RAB5IF: variants seen among roughly 807,000 people sequenced by gnomAD.
The protein encoded by RAB5IF is RAB5 interacting factor, also known as GEL complex subunit OPTI.
RAB5IF carries 15 observed loss-of-function variants against 20.3 expected under a neutral mutation model. The observed-to-expected ratio is 0.74, with a 90% CI of 0.50 to 1.14. The LOEUF (loss-of-function observed/expected upper bound fraction) is 1.14. RAB5IF is among the 50% of genes most tolerant of loss of function. The pLI is 0.00. For synonymous variants in RAB5IF, 67 were observed against 63.7 expected, an observed-to-expected ratio of 1.05 and a Z score of -0.25; for missense variants, 148 against 159.5, an observed-to-expected ratio of 0.93 and a Z score of 0.39.
At position 36,606,024 on chromosome 20, in the gene RAB5IF, T is replaced by C; in HGVS notation, c.73T>C (p.Trp25Arg). Reference protein sequence around the residue: ...LANGALKVSVWSKVLRSDAAW... With the variant: ...LANGALKVSVRSKVLRSDAAW... Reference sequence around the variant, plus strand: ...CAACGGGGCCCTCAAAGTCTCCGTCTGGAGTAAGGTGCTGCGGAGCGACGC... The same window carrying C: ...CAACGGGGCCCTCAAAGTCTCCGTCCGGAGTAAGGTGCTGCGGAGCGACGC... Residue 25 changes from tryptophan to arginine, a missense_variant, in exon 1 of 4, where the codon TGG (tryptophan) becomes CGG (arginine). Coordinates refer to ENST00000344795, the MANE Select transcript of RAB5IF (RefSeq NM_018840.5). 6.5e-7 allele frequency: 1 copy of C among 1,527,340 alleles called. No individual in the cohort carries two copies. Among genetic ancestry groups the C allele is most frequent in the Non-Finnish European group, 8.8e-7 (1 of 1,133,698 alleles). The allele number at this position is 1,527,340 out of a possible 1,614,324, so 94.6% of individuals were successfully genotyped here.
In RAB5IF at chr20:36,609,589, C is replaced by G; in HGVS notation, c.219-12C>G. The G allele has an allele frequency of 3.8e-6, 6 of 1,572,684 alleles. No homozygotes were observed. Among genetic ancestry groups the G allele is most frequent in the Non-Finnish European group, 5.2e-6 (6 of 1,160,740 alleles). On this transcript the variant is annotated splice_polypyrimidine_tract_variant and intron_variant, in intron 2 of 3. Coordinates refer to ENST00000344795, the MANE Select transcript of RAB5IF (RefSeq NM_018840.5). Reference sequence around the variant, plus strand: ...TCAATTTATGTTTGGTACTTGTTCTCTGTTGCTCCAGATTCTGCCTGATCA... The same window carrying G: ...TCAATTTATGTTTGGTACTTGTTCTGTGTTGCTCCAGATTCTGCCTGATCA...
Position 36,607,791 on chromosome 20 carries a change from C to T in RAB5IF, c.191C>T (p.Pro64Leu). Reference protein sequence around the residue: ...VVLGVIWGVLPLRGFLGIAGF... With the variant: ...VVLGVIWGVLLLRGFLGIAGF... ...CTGGGTGTCATTTGGGGAGTTTTGC[C>T]ATTACGAGGGTTCTTGGGAATAGCA... The change falls in exon 2 of 4, where the codon CCA (proline) becomes CTA (leucine). Residue 64 changes from proline to leucine, a missense_variant. By Grantham distance (98) the Pro-to-Leu change is moderately conservative (BLOSUM62 -3). Coordinates refer to ENST00000344795, the MANE Select transcript of RAB5IF (RefSeq NM_018840.5). 1 of 1,613,958 alleles carries T rather than the reference C, an allele frequency of 6.2e-7. No individual in the cohort carries two copies. Among genetic ancestry groups the T allele is most frequent in the Non-Finnish European group, 8.5e-7 (1 of 1,179,916 alleles).
Position 36,607,738 on chromosome 20 carries a change from C to T in RAB5IF, c.138C>T (p.Tyr46=). Residue 46 remains tyrosine, a synonymous_variant, in exon 2 of 4, where the codon TAC becomes TAT. Coordinates refer to ENST00000344795, the MANE Select transcript of RAB5IF (RefSeq NM_018840.5). ...AGGATGAATTTTTAGATGTGATCTA[C>T]TGGTTCCGACAGATCATTGCTGTGG... The part of the protein sequence containing the change: ...EDKDEFLDVI[Y]WFRQIIAVVL... 1 of 1,614,080 alleles carries T rather than the reference C, an allele frequency of 6.2e-7. No homozygotes were observed. Among genetic ancestry groups the T allele is most frequent in the Non-Finnish European group, 8.5e-7 (1 of 1,179,940 alleles).
intron 1 of RAB5IF, 120 bp downstream of exon 1, chr20:36,606,185 G>A: frequency 1.7e-6 from 1 of 595,534 alleles, no homozygotes; most frequent in Non-Finnish European, 2.7e-6. Flanking sequence ...GCAGTGGGGC[G>A]GGTGGCCCAA....
chr20:36,606,036 C>A lies in RAB5IF; in HGVS notation c.85C>A (p.Leu29Met). ...CAAAGTCTCCGTCTGGAGTAAGGTG[C>A]TGCGGAGCGACGCGGCCTGGGAGGA... ...ALKVSVWSKV[L>M]RSDAAWEDKD... The change falls in exon 1 of 4, where the codon CTG becomes ATG. Residue 29 changes from leucine (L) to methionine (M), a missense_variant. By Grantham distance (15) the Leu-to-Met change is conservative. Transcript: ENST00000344795. The A allele has an allele frequency of 1.3e-6, 2 of 1,522,520 alleles. No individual in the cohort carries two copies. The highest frequency in any genetic ancestry group is 1.8e-4 in the Middle Eastern group (1 of 5,472). The allele number at this position is 1,522,520 out of a possible 1,614,324, so 94.3% of individuals were successfully genotyped here.
intron 3 of RAB5IF, chr20:36,609,936 TC>T: frequency 1.3e-6 from 1 of 765,460 alleles, no homozygotes; most frequent in Non-Finnish European, 2.0e-6. Context: ...AATGTGTAAA[TC>T]CAGGGCCCAT....
intron 1 of RAB5IF, among the ~76,000 whole-genome samples, chr20:36,607,049 A>G (rs1016596278): frequency 6.6e-6 from 1 of 152,182 alleles, no homozygotes; most frequent in Non-Finnish European, 1.5e-5. Context: ...TCTAGGGCAG[A>G]TCAGAAACCT....
In RAB5IF at chr20:36,609,584, G is replaced by A. The variant is rs2039060335; in HGVS notation, c.219-17G>A. On this transcript the variant is annotated splice_polypyrimidine_tract_variant and intron_variant, in intron 2 of 3. Transcript: ENST00000344795. ...AGCTTTCAATTTATGTTTGGTACTTGTTCTCTGTTGCTCCAGATTCTGCCT... is the reference window on the plus strand; with the variant it reads ...AGCTTTCAATTTATGTTTGGTACTTATTCTCTGTTGCTCCAGATTCTGCCT... 1 of 1,565,828 alleles carries A rather than the reference G, an allele frequency of 6.4e-7. No homozygotes were observed.
At chr20:36,609,211 GCACACA>G (rs1269110587) in intron 2 of RAB5IF, among the ~76,000 whole-genome samples, 2 of 36,586 alleles carry the variant, frequency 5.5e-5, no homozygotes, top group Admixed American at 3.0e-4. Context: ...ACGCACACAC[GCACACA>G]CGCACACACA....
chr20:36,606,593 C>T (rs1220559806), intron 1 of RAB5IF, among the ~76,000 whole-genome samples: 1 of 152,106 alleles, frequency 6.6e-6, no homozygotes, highest in Non-Finnish European at 1.5e-5. Flanking sequence ...TCTTGAGCTG[C>T]TGTTGCTTGT....
chr20:36,607,625 A>G, intron 1 of RAB5IF, 90 bp from the exon 2 acceptor site: 1 of 1,478,570 alleles, frequency 6.8e-7, no homozygotes, highest in Non-Finnish European at 9.3e-7. Context: ...TTTCCTGGAT[A>G]TGTTTAGCAG....
At chr20:36,610,856 G>A (rs576692722) in intron 3 of RAB5IF, among the ~76,000 whole-genome samples, 2 of 152,224 alleles carry the variant, frequency 1.3e-5, no homozygotes, top group Non-Finnish European at 2.9e-5. Flanking sequence ...GAGGCAAAAA[G>A]TAGATTAGTG....
chr20:36,610,786 A>T (rs2039091802), intron 3 of RAB5IF, among the ~76,000 whole-genome samples: 1 of 152,216 alleles, frequency 6.6e-6, no homozygotes, highest in African/African-American at 2.4e-5. Context: ...GAATCCAGAC[A>T]CAAAAGACCA....
Position 36,609,777 on chromosome 20 carries a change from G to A in RAB5IF, c.348+47G>A, listed in dbSNP as rs776360291. On this transcript the variant is annotated intron_variant, in intron 3 of 3. Coordinates refer to ENST00000344795, the MANE Select transcript of RAB5IF (RefSeq NM_018840.5). ...ACAACAGGTACTGTTCATTTCATGA[G>A]GTGTCACTCACAGGAGGGGACCCCA... 4.3e-6 allele frequency: 7 copies of A among 1,614,050 alleles called. No individual in the cohort carries two copies. The East Asian group carries it at 1.6e-4, about 36-fold the overall frequency.
At chr20:36,606,379 G>A (rs2038934959) in intron 1 of RAB5IF, among the ~76,000 whole-genome samples, 1 of 152,224 alleles carries the variant, frequency 6.6e-6, no homozygotes, top group Non-Finnish European at 1.5e-5. Flanking sequence ...TTCGGCCTCC[G>A]CCTTTTATGT....
Position 36,609,638 on chromosome 20 carries a change from T to G in RAB5IF, c.256T>G (p.Phe86Val). 1 of 1,612,768 alleles carries G rather than the reference T, an allele frequency of 6.2e-7. No individual in the cohort carries two copies. Among genetic ancestry groups the G allele is most frequent in the Non-Finnish European group, 8.5e-7 (1 of 1,179,176 alleles). The stretch of plus-strand genomic sequence containing the variant: ...CAATGCAGGAGTCCTGTACCTCTAC[T>G]TCAGCAATTACCTACAGATTGATGA... ...LINAGVLYLY[F>V]SNYLQIDEEE... The change falls in exon 3 of 4, where the codon TTC becomes GTC. Residue 86 changes from phenylalanine to valine, a missense_variant. By Grantham distance (50) the Phe-to-Val change is conservative. Transcript: ENST00000344795.
intron 3 of RAB5IF, among the ~76,000 whole-genome samples, chr20:36,610,337 C>T (rs573531549): frequency 7.9e-5 from 12 of 152,092 alleles, no homozygotes; most frequent in Non-Finnish European, 1.0e-4. Context: ...ACAAACAGTC[C>T]AAATGACCAT....
chr20:36,609,234 C>CT (rs2039038731), intron 2 of RAB5IF, among the ~76,000 whole-genome samples: 4 of 130,326 alleles, frequency 3.1e-5, no homozygotes, highest in African/African-American at 1.3e-4. Flanking sequence ...CACACACACA[C>CT]ACACACACAC....
chr20:36,609,812 T>G, intron 3 of RAB5IF, 82 bp downstream of exon 3: 1 of 1,612,912 alleles, frequency 6.2e-7, no homozygotes, highest in Non-Finnish European at 8.5e-7. Context: ...ACTGATTGAG[T>G]TACACTGTGT....
Sources: gnomAD v4.1 joint callset for allele counts (sites outside exome capture counted in the v4.1 genomes callset) on GRCh38, gnomAD v4.1.1 for gene constraint, MANE v1.5 for transcripts, NCBI Gene and HGNC (gene_info 2026-07-23, HGNC 2026-07-21) for gene names.